Variants in KLHL1 observed in about 807,000 individuals in gnomAD.
KLHL1 encodes the protein kelch like family member 1, also known as kelch-like protein 1.
Under a neutral mutation model 77.7 loss-of-function variants are expected in KLHL1, and 47 were observed. That is an observed-to-expected ratio of 0.60 (90% CI 0.48 to 0.77). The LOEUF (loss-of-function observed/expected upper bound fraction) is 0.77, where lower values mean the gene tolerates loss of function less well. Ranked by LOEUF, KLHL1 falls within the 30% of genes least tolerant of loss-of-function variation. The probability of loss-of-function intolerance (pLI) is 0.00; values close to 1 mark genes in which losing one functional copy is unlikely to be tolerated. For synonymous variants in KLHL1, 360 were observed against 325.2 expected, an observed-to-expected ratio of 1.11 and a Z score of -1.15; for missense variants, 925 against 910.8, an observed-to-expected ratio of 1.02 and a Z score of -0.20.
chr13:70,060,447 A>G (rs1024377642), intron 1 of KLHL1, among the ~76,000 whole-genome samples: 9 of 152,196 alleles, frequency 5.9e-5, no homozygotes, highest in African/African-American at 1.9e-4. Context: ...TCAATATTTT[A>G]AAGACACACC....
In KLHL1 at chr13:70,107,983, C is replaced by T. The variant is rs993908806; in HGVS notation, c.-284G>A. The stretch of plus-strand genomic sequence containing the variant: ...GACTGGGACGCCAAAAGCTGAGAAT[C>T]CTCGATGCCCGCGCGAGAGCCCCGT... On this transcript the variant is annotated 5_prime_UTR_variant, in exon 1 of 11. Coordinates refer to ENST00000377844, the MANE Select transcript of KLHL1 (RefSeq NM_020866.3). The T allele has an allele frequency of 4.5e-6, 2 of 442,214 alleles. No homozygotes were observed. The highest frequency in any genetic ancestry group is 7.9e-6 in the Non-Finnish European group (2 of 251,692). The allele number at this position is 442,214 out of a possible 1,614,324, so 27.4% of individuals were successfully genotyped here.
At position 69,797,827 on chromosome 13, in the gene KLHL1, T is replaced by TA. The variant is rs35332261; in HGVS notation, c.1415-866dup. Among the ~76,000 whole-genome samples, 1,182 of 130,686 alleles carry TA rather than the reference T, an allele frequency of 9.0e-3. 27 individuals are homozygous for TA. Among genetic ancestry groups the TA allele is most frequent in the Non-Finnish European group, 0.011 (657 of 61,384 alleles). 85.7% of individuals were successfully genotyped at this position (130,686 alleles called of 152,430 possible). On this transcript the variant is annotated intron_variant, in intron 6 of 10. Transcript: ENST00000377844. ...CTGGGTGACAGAGCGAGACTCCATC[T>TA]AAAAAAAAAAAAAAAAAATCTGGGG...
At chr13:69,959,071 T>C (rs991725020) in intron 3 of KLHL1, among the ~76,000 whole-genome samples, 2 of 152,050 alleles carry the variant, frequency 1.3e-5, no homozygotes, top group Non-Finnish European at 2.9e-5. Flanking sequence ...AACTCACAAC[T>C]AAAAATTTAA....
At chr13:69,852,166 G>T (rs1364075528) in intron 5 of KLHL1, among the ~76,000 whole-genome samples, 1 of 151,856 alleles carries the variant, frequency 6.6e-6, no homozygotes, top group African/African-American at 2.4e-5. Flanking sequence ...ACGAGAAAAA[G>T]GTACTAATTT....
chr13:69,974,205 A>G (rs1884477035), intron 2 of KLHL1, among the ~76,000 whole-genome samples: 1 of 151,630 alleles, frequency 6.6e-6, no homozygotes, highest in Non-Finnish European at 1.5e-5. Flanking sequence ...AATTTTTCGT[A>G]TCCTACTTAA....
In KLHL1 at chr13:69,961,343, T is replaced by A; in HGVS notation, c.782A>T (p.Asn261Ile). ...EEIKMEGIDP[N>I]ALWDLVQFAY... is the part of the protein sequence containing the mutation. Reference sequence around the variant, plus strand: ...AAATTGGACAAGGTCCCAGAGAGCATTGGGGTCTATGCCTTCCATTTTGAT... The same window carrying A: ...AAATTGGACAAGGTCCCAGAGAGCAATGGGGTCTATGCCTTCCATTTTGAT... The change falls in exon 3 of 11, where the codon AAT becomes ATT. Residue 261 changes from asparagine (N) to isoleucine (I), a missense_variant. Asn to Ile is a moderately radical substitution (Grantham distance 149, BLOSUM62 -3). Coordinates refer to ENST00000377844, the MANE Select transcript of KLHL1 (RefSeq NM_020866.3). 1 of 1,612,896 alleles carries A rather than the reference T, an allele frequency of 6.2e-7. No homozygotes were observed. Among genetic ancestry groups the A allele is most frequent in the East Asian group, 2.2e-5 (1 of 44,814 alleles).
intron 4 of KLHL1, among the ~76,000 whole-genome samples, chr13:69,893,770 C>A (rs1324743354): frequency 1.3e-5 from 2 of 152,116 alleles, no homozygotes; most frequent in African/African-American, 4.8e-5. Context: ...TGGATGGTCT[C>A]AATTCTGGAA....
At chr13:69,993,064 T>G (rs1029988058) in intron 1 of KLHL1, among the ~76,000 whole-genome samples, 2 of 152,016 alleles carry the variant, frequency 1.3e-5, no homozygotes, top group Non-Finnish European at 2.9e-5. Flanking sequence ...TAACACTATT[T>G]ATTTGCCTAT....
intron 4 of KLHL1, among the ~76,000 whole-genome samples, chr13:69,935,207 T>TGAACTTGGTACATAGTTCACCC (rs1555282562): frequency 2.5e-5 from 3 of 118,426 alleles, no homozygotes; most frequent in Non-Finnish European, 3.5e-5. Context: ...ACATAGTTGG[T>TGAACTTGGTACATAGTTCACCC]ACTGGTGAAC....
intron 8 of KLHL1, 145 bp downstream of exon 8, chr13:69,740,249 A>G: frequency 1.7e-6 from 1 of 576,204 alleles, no homozygotes. Flanking sequence ...AGAGAGCACC[A>G]GTCTTTATTT....
chr13:70,065,991 A>G (rs1657516800), intron 1 of KLHL1, among the ~76,000 whole-genome samples: 1 of 152,230 alleles, frequency 6.6e-6, no homozygotes, highest in Non-Finnish European at 1.5e-5. Flanking sequence ...GGGGAAATTA[A>G]GGCATTAACT....
chr13:70,087,569 T>G (rs1190365807), intron 1 of KLHL1, among the ~76,000 whole-genome samples: 1 of 150,732 alleles, frequency 6.6e-6, no homozygotes, highest in Non-Finnish European at 1.5e-5. Flanking sequence ...GAAACTTAGT[T>G]GTGATGAGAA....
intron 10 of KLHL1, among the ~76,000 whole-genome samples, 171 bp downstream of exon 10, chr13:69,707,454 C>T (rs1379435071): frequency 1.3e-5 from 2 of 151,504 alleles, no homozygotes; most frequent in Non-Finnish European, 2.9e-5. Context: ...AATAAAAGTA[C>T]ACAAGAATGT....
chr13:70,044,858 A>T (rs1459073349), intron 1 of KLHL1, among the ~76,000 whole-genome samples: 1 of 152,188 alleles, frequency 6.6e-6, no homozygotes. Flanking sequence ...CAGTTTTTCA[A>T]TAGTCAGCAC....
chr13:70,007,876 T>G (rs17813693), intron 1 of KLHL1, among the ~76,000 whole-genome samples: 31,250 of 151,908 alleles, frequency 0.21, 3,349 homozygotes, highest in Middle Eastern at 0.27. Flanking sequence ...ACATATTTTT[T>G]GCACTGCCTG....
chr13:69,739,902 G>A (rs1454921961), intron 8 of KLHL1, among the ~76,000 whole-genome samples: 1 of 152,128 alleles, frequency 6.6e-6, no homozygotes, highest in African/African-American at 2.4e-5. Flanking sequence ...GAGGTGGTGG[G>A]TGAGGGGCAT....
intron 1 of KLHL1, among the ~76,000 whole-genome samples, chr13:70,008,497 C>T (rs192263801): frequency 9.2e-5 from 14 of 152,152 alleles, no homozygotes; most frequent in African/African-American, 3.4e-4. Context: ...ATTGGCTATG[C>T]ACCCAAATAT....
intron 3 of KLHL1, among the ~76,000 whole-genome samples, chr13:69,952,012 G>T (rs1883726562): frequency 1.3e-5 from 2 of 151,246 alleles, no homozygotes; most frequent in Non-Finnish European, 3.0e-5. Flanking sequence ...TTCCCCTCTT[G>T]GATAGTGCAC....
intron 6 of KLHL1, among the ~76,000 whole-genome samples, chr13:69,824,046 T>C (rs1035683485): frequency 6.6e-6 from 1 of 152,014 alleles, no homozygotes; most frequent in Non-Finnish European, 1.5e-5. Flanking sequence ...ATGTTTGTAT[T>C]TCTGACCACA....
Sources: gnomAD v4.1 joint callset for allele counts (sites outside exome capture counted in the v4.1 genomes callset) on GRCh38, gnomAD v4.1.1 for gene constraint, MANE v1.5 for transcripts, NCBI Gene and HGNC (gene_info 2026-07-23, HGNC 2026-07-21) for gene names.